The following WWOX variants were observed in gnomAD, a reference collection of about 807,000 sequenced individuals.
WWOX encodes WW domain-containing oxidoreductase.
Under a neutral mutation model 46.2 loss-of-function variants are expected in WWOX, and 69 were observed. That is an observed-to-expected ratio of 1.49 (90% CI 1.23 to 1.82). WWOX has a LOEUF of 1.82. WWOX is among the 40% of genes most tolerant of loss of function. The pLI is 0.00. For synonymous variants in WWOX, 359 were observed against 202.6 expected, an observed-to-expected ratio of 1.77 and a Z score of -6.56; for missense variants, 919 against 542.6, an observed-to-expected ratio of 1.69 and a Z score of -6.89.
Position 79,212,135 on chromosome 16 carries a change from G to C in WWOX, c.*339G>C. 8 of 1,527,744 alleles carry C rather than the reference G, an allele frequency of 5.2e-6. No individual in the cohort carries two copies. The highest frequency in any genetic ancestry group is 7.0e-6 in the Non-Finnish European group (8 of 1,142,292). 94.6% of individuals were successfully genotyped at this position (1,527,744 alleles called of 1,614,324 possible). ...CTTTTACTGTTATAGAATAGCCTGA[G>C]GTCCCCTCGTCCCATCCAGCTACCA... On this transcript the variant is annotated 3_prime_UTR_variant, in exon 9 of 9. Transcript: ENST00000566780.
intron 8 of WWOX, among the ~76,000 whole-genome samples, chr16:78,765,412 C>G (rs754478519): frequency 6.6e-6 from 1 of 152,170 alleles, no homozygotes; most frequent in Non-Finnish European, 1.5e-5. Flanking sequence ...GGCACGGTGG[C>G]TCATACTTAT....
chr16:78,373,059 CCTAA>C (rs1231079010), intron 5 of WWOX, among the ~76,000 whole-genome samples: 4 of 152,100 alleles, frequency 2.6e-5, no homozygotes, highest in Admixed American at 6.5e-5. Flanking sequence ...TCTGTAATGT[CCTAA>C]CTTTCATTTC....
At position 79,138,478 on chromosome 16, in the gene WWOX, G is replaced by A. The variant is rs974626809; in HGVS notation, c.1057-73130G>A. Among the ~76,000 whole-genome samples the A allele has an allele frequency of 3.9e-5, 6 of 152,144 alleles. No homozygotes were observed. In the East Asian group the frequency reaches 1.2e-3, roughly 29 times the overall value. ...ACACATTCCTCGTCTCTTTCCTGTT[G>A]GAACAACTGCCTCACTCCTGTGGCC... On this transcript the variant is annotated intron_variant, in intron 8 of 8. Coordinates refer to ENST00000566780, the MANE Select transcript of WWOX (RefSeq NM_016373.4).
intron 8 of WWOX, among the ~76,000 whole-genome samples, chr16:79,165,844 G>T (rs995879051): frequency 4.6e-5 from 7 of 152,258 alleles, no homozygotes; most frequent in African/African-American, 1.7e-4. Flanking sequence ...GCCGAACCGG[G>T]AACAGGGTTA....
chr16:78,472,937 A>C (rs2084262494), intron 8 of WWOX, among the ~76,000 whole-genome samples: 1 of 152,214 alleles, frequency 6.6e-6, no homozygotes, highest in Non-Finnish European at 1.5e-5. Context: ...TAGCACGGGA[A>C]AAAGCAAACT....
At chr16:78,282,558 A>T (rs1268327513) in intron 5 of WWOX, among the ~76,000 whole-genome samples, 1 of 152,104 alleles carries the variant, frequency 6.6e-6, no homozygotes, top group African/African-American at 2.4e-5. Flanking sequence ...GCTTTCAGAA[A>T]GGAAGTGAGA....
At chr16:78,536,126 T>C (rs2043753505) in intron 8 of WWOX, among the ~76,000 whole-genome samples, 1 of 152,152 alleles carries the variant, frequency 6.6e-6, no homozygotes, top group Non-Finnish European at 1.5e-5. Context: ...TGTTCCCTCC[T>C]ATTATATCCT....
intron 5 of WWOX, among the ~76,000 whole-genome samples, chr16:78,207,821 A>C (rs190876340): frequency 5.1e-4 from 74 of 145,612 alleles, no homozygotes; most frequent in Middle Eastern, 7.4e-3. Context: ...ATTTTATTTT[A>C]TTTTCCTGTT....
intron 8 of WWOX, among the ~76,000 whole-genome samples, chr16:78,775,535 T>C (rs2050168045): frequency 6.6e-6 from 1 of 151,676 alleles, no homozygotes; most frequent in Non-Finnish European, 1.5e-5. Context: ...CAAGGGAGAG[T>C]ATGGGCTTTG....
At chr16:78,978,148 C>A (rs1489211680) in intron 8 of WWOX, among the ~76,000 whole-genome samples, 1 of 152,148 alleles carries the variant, frequency 6.6e-6, no homozygotes, top group Non-Finnish European at 1.5e-5. Context: ...AAGGTTGACC[C>A]ACATTGTGGC....
chr16:78,340,201 C>CT (rs199760062), intron 5 of WWOX, among the ~76,000 whole-genome samples: 21,784 of 100,578 alleles, frequency 0.22, 6,353 homozygotes, highest in South Asian at 0.46. Flanking sequence ...TGATGATAGT[C>CT]TTTTTTTTTT....
chr16:78,473,483 C>T (rs2084279937), intron 8 of WWOX, among the ~76,000 whole-genome samples: 1 of 152,130 alleles, frequency 6.6e-6, no homozygotes, highest in African/African-American at 2.4e-5. Flanking sequence ...CAGGTTAGAG[C>T]ACAGCATGAA....
chr16:78,712,420 T>G (rs1177359272), intron 8 of WWOX, among the ~76,000 whole-genome samples: 3 of 151,896 alleles, frequency 2.0e-5, no homozygotes, highest in African/African-American at 4.8e-5. Context: ...GAGAATCGCT[T>G]GAACCCAGGA....
chr16:78,730,484 G>A (rs796690886), intron 8 of WWOX, among the ~76,000 whole-genome samples: 15 of 152,082 alleles, frequency 9.9e-5, no homozygotes, highest in African/African-American at 3.6e-4. Context: ...TTTTGAGACA[G>A]AGTCTTGCTC....
intron 8 of WWOX, among the ~76,000 whole-genome samples, chr16:78,523,735 C>T (rs528761001): frequency 2.1e-4 from 32 of 152,272 alleles, no homozygotes; most frequent in East Asian, 5.8e-4. Context: ...TCCGTTTTCC[C>T]GCATACATGA....
intron 5 of WWOX, among the ~76,000 whole-genome samples, chr16:78,228,161 A>G (rs1287656578): frequency 1.3e-5 from 2 of 152,004 alleles, no homozygotes; most frequent in East Asian, 3.9e-4. Context: ...GCATAGAGAG[A>G]GAAGGCAGGC....
intron 8 of WWOX, among the ~76,000 whole-genome samples, chr16:78,974,827 G>A (rs2046540038): frequency 6.6e-6 from 1 of 152,102 alleles, no homozygotes; most frequent in Admixed American, 6.5e-5. Flanking sequence ...ACCTAAGCCG[G>A]GAAGCAGAGG....
chr16:79,189,612 A>G (rs967326669), intron 8 of WWOX, among the ~76,000 whole-genome samples: 38 of 151,906 alleles, frequency 2.5e-4, no homozygotes, highest in African/African-American at 8.9e-4. Flanking sequence ...AGGAAAGCAT[A>G]TTTTTGAGGA....
At chr16:78,598,599 G>T (rs920544138) in intron 8 of WWOX, among the ~76,000 whole-genome samples, 3 of 152,054 alleles carry the variant, frequency 2.0e-5, no homozygotes, top group African/African-American at 4.8e-5. Flanking sequence ...CACACCTCCT[G>T]GCTTGGTGTG....
Sources: gnomAD v4.1 joint callset for allele counts (sites outside exome capture counted in the v4.1 genomes callset) on GRCh38, gnomAD v4.1.1 for gene constraint, MANE v1.5 for transcripts, NCBI Gene and HGNC (gene_info 2026-07-23, HGNC 2026-07-21) for gene names.